PEBP4: variants seen among roughly 807,000 people sequenced by gnomAD.
The protein encoded by PEBP4 is phosphatidylethanolamine-binding protein 4.
Under a neutral mutation model 23.9 loss-of-function variants are expected in PEBP4, and 22 were observed. The observed-to-expected ratio is 0.92, with a 90% CI of 0.66 to 1.31. PEBP4 has a LOEUF of 1.31. Among genes scored for constraint, PEBP4 ranks in the 40% most tolerant of loss-of-function variants. The pLI, the probability that PEBP4 is intolerant of heterozygous loss-of-function variation, is 0.00. For missense variants in PEBP4, 324 were observed against 281.7 expected, an observed-to-expected ratio of 1.15 and a Z score of -1.07; for synonymous variants, 112 against 99.3, an observed-to-expected ratio of 1.13 and a Z score of -0.76.
At chr8:22,812,323 C>G (rs1220615968) in intron 4 of PEBP4, among the ~76,000 whole-genome samples, 1 of 152,228 alleles carries the variant, frequency 6.6e-6, no homozygotes, top group Non-Finnish European at 1.5e-5. Context: ...AGAGGTCCTT[C>G]CCACCTGGAA....
At chr8:22,745,514 T>C (rs940311611) in intron 4 of PEBP4, 1 of 152,226 alleles carries the variant, frequency 6.6e-6, no homozygotes, top group Non-Finnish European at 1.5e-5. Context: ...GCTTGGCTCA[T>C]GGATGATCTC....
rs1563254212 is a variant in PEBP4 at position 22,900,404 on chromosome 8, T to C, written c.258+19780A>G. 5.3e-5 allele frequency among the ~76,000 whole-genome samples: 8 copies of C among 152,236 alleles called. No individual in the cohort carries two copies. The South Asian group carries it at 1.7e-3, about 32-fold the overall frequency. Reference sequence around the variant, plus strand: ...TGGCTCACGCCTGTAATCCCAGCACTTTGGGAGGCTGAGGTGGGCGGATCA... The same window carrying C: ...TGGCTCACGCCTGTAATCCCAGCACCTTGGGAGGCTGAGGTGGGCGGATCA... On this transcript the variant is annotated intron_variant, in intron 3 of 6. Transcript: ENST00000256404.
chr8:22,793,433 ATTT>A (rs11315221), intron 4 of PEBP4, among the ~76,000 whole-genome samples: 22 of 120,316 alleles, frequency 1.8e-4, no homozygotes, highest in African/African-American at 3.1e-4. Flanking sequence ...CGCCCAGCTC[ATTT>A]TTTTTTTTTT....
At chr8:22,783,131 T>G (rs1585269877) in intron 4 of PEBP4, among the ~76,000 whole-genome samples, 1 of 152,218 alleles carries the variant, frequency 6.6e-6, no homozygotes, top group Non-Finnish European at 1.5e-5. Flanking sequence ...TGCACTTCCC[T>G]GGGAGAGGGT....
intron 4 of PEBP4, among the ~76,000 whole-genome samples, chr8:22,767,562 C>T (rs146536867): frequency 2.0e-5 from 3 of 152,098 alleles, no homozygotes; most frequent in Non-Finnish European, 2.9e-5. Context: ...CTCAAGAATA[C>T]GCCTGATTGA....
chr8:22,722,665 C>A (rs1203177842), intron 6 of PEBP4, among the ~76,000 whole-genome samples: 4 of 152,194 alleles, frequency 2.6e-5, no homozygotes, highest in Non-Finnish European at 1.5e-5. Context: ...ATTCCTGGTG[C>A]CCTTGATTGT....
intron 3 of PEBP4, among the ~76,000 whole-genome samples, chr8:22,859,942 C>T (rs987138401): frequency 2.0e-5 from 3 of 151,374 alleles, no homozygotes; most frequent in Admixed American, 1.3e-4. Flanking sequence ...CATAGGGAGA[C>T]CCCATCCCTA....
chr8:22,836,142 G>T (rs77390429), intron 3 of PEBP4, among the ~76,000 whole-genome samples: 2 of 152,210 alleles, frequency 1.3e-5, no homozygotes, highest in Admixed American at 6.5e-5. Context: ...TGGGCCTCAG[G>T]TTCACTATGT....
intron 4 of PEBP4, among the ~76,000 whole-genome samples, chr8:22,759,824 C>T (rs1256816086): frequency 6.6e-6 from 1 of 152,190 alleles, no homozygotes; most frequent in Non-Finnish European, 1.5e-5. Flanking sequence ...GGAACAGCCT[C>T]CCAGGCTGCA....
At chr8:22,917,494 G>A (rs1448907044) in intron 3 of PEBP4, among the ~76,000 whole-genome samples, 1 of 152,142 alleles carries the variant, frequency 6.6e-6, no homozygotes, top group Non-Finnish European at 1.5e-5. Flanking sequence ...GCGCCCCCTG[G>A]TGTCTCCCTT....
At chr8:22,899,209 G>C (rs1277884333) in intron 3 of PEBP4, among the ~76,000 whole-genome samples, 1 of 152,252 alleles carries the variant, frequency 6.6e-6, no homozygotes, top group African/African-American at 2.4e-5. Context: ...GCTCTCTGGA[G>C]GTAGAAAATC....
intron 3 of PEBP4, among the ~76,000 whole-genome samples, chr8:22,892,225 T>C (rs1412585046): frequency 1.3e-5 from 2 of 152,246 alleles, no homozygotes; most frequent in Non-Finnish European, 2.9e-5. Flanking sequence ...TTTTCTAAAT[T>C]ATTTTTAAAT....
chr8:22,935,426 T>G (rs1033060437), intron 1 of PEBP4, among the ~76,000 whole-genome samples: 1 of 152,202 alleles, frequency 6.6e-6, no homozygotes, highest in Non-Finnish European at 1.5e-5. Context: ...CTTGGGAGGC[T>G]GAGGCAGGAG....
At chr8:22,747,365 CT>C (rs1325512492) in intron 4 of PEBP4, 1 of 136,262 alleles carries the variant, frequency 7.3e-6, no homozygotes, top group African/African-American at 2.8e-5. Context: ...TGTGCCCAGC[CT>C]CCTGTACAGC....
chr8:22,741,135 C>T (rs1768981125), intron 4 of PEBP4, among the ~76,000 whole-genome samples: 1 of 152,192 alleles, frequency 6.6e-6, no homozygotes, highest in South Asian at 2.1e-4. Context: ...TCAGGATCAA[C>T]TCTAGGGCCC....
chr8:22,717,609 G>T (rs994873282), intron 6 of PEBP4, among the ~76,000 whole-genome samples: 12 of 152,228 alleles, frequency 7.9e-5, no homozygotes, highest in Admixed American at 6.5e-5. Context: ...TGAGGTTGGA[G>T]CTGCGGCAGC....
At chr8:22,821,403 C>T (rs545641973) in intron 3 of PEBP4, among the ~76,000 whole-genome samples, 4 of 152,090 alleles carry the variant, frequency 2.6e-5, no homozygotes, top group East Asian at 3.9e-4. Flanking sequence ...GTAGGGCAGA[C>T]GTAGGAGAGG....
At chr8:22,886,772 A>C (rs1323749613) in intron 3 of PEBP4, 1 of 152,610 alleles carries the variant, frequency 6.6e-6, no homozygotes, top group East Asian at 1.9e-4. Context: ...CCTGGCTGGC[A>C]GCTGGCACTG....
At chr8:22,856,212 G>A (rs1166126784) in intron 3 of PEBP4, among the ~76,000 whole-genome samples, 1 of 151,990 alleles carries the variant, frequency 6.6e-6, no homozygotes, top group Non-Finnish European at 1.5e-5. Flanking sequence ...GGCAACAATG[G>A]AGAGAAAAAT....
Sources: allele counts gnomAD v4.1 joint callset (sites outside exome capture counted in the v4.1 genomes callset), GRCh38; gene constraint gnomAD v4.1.1; transcripts MANE v1.5; gene names NCBI Gene and HGNC (gene_info 2026-07-23, HGNC 2026-07-21).